Variants in LRRTM4 observed in about 807,000 individuals in gnomAD.
The protein encoded by LRRTM4 is leucine-rich repeat transmembrane neuronal protein 4.
Under a neutral mutation model 47.6 loss-of-function variants are expected in LRRTM4, and 25 were observed. The ratio of observed to expected loss-of-function variants is 0.53; its 90% confidence interval spans 0.38 to 0.73. The LOEUF (loss-of-function observed/expected upper bound fraction) is 0.73. Ranked by LOEUF, LRRTM4 falls within the 30% of genes least tolerant of loss-of-function variation. The pLI is 0.00. For missense variants in LRRTM4, 638 were observed against 713.4 expected, an observed-to-expected ratio of 0.89 and a Z score of 1.20; for synonymous variants, 311 against 269.5, an observed-to-expected ratio of 1.15 and a Z score of -1.51.
intron 3 of LRRTM4, among the ~76,000 whole-genome samples, chr2:76,983,254 T>A (rs189526720): frequency 6.6e-6 from 1 of 152,000 alleles, no homozygotes; most frequent in South Asian, 2.1e-4. Flanking sequence ...GGCCTTAAAT[T>A]TCTAATCCAT....
At chr2:77,102,305 C>G (rs1171999044) in intron 3 of LRRTM4, among the ~76,000 whole-genome samples, 1 of 152,228 alleles carries the variant, frequency 6.6e-6, no homozygotes, top group Non-Finnish European at 1.5e-5. Flanking sequence ...TCTGCTTCCA[C>G]ATCCAAGCAC....
At chr2:77,093,542 G>A (rs924442167) in intron 3 of LRRTM4, among the ~76,000 whole-genome samples, 62 of 151,406 alleles carry the variant, frequency 4.1e-4, no homozygotes, top group Admixed American at 1.4e-3. Flanking sequence ...CCCTAATCCC[G>A]CTTGAAGCAG....
chr2:77,008,471 G>A (rs1677744587), intron 3 of LRRTM4, among the ~76,000 whole-genome samples: 1 of 152,260 alleles, frequency 6.6e-6, no homozygotes, highest in Non-Finnish European at 1.5e-5. Context: ...TAGATAGTCT[G>A]ATTTCACCAC....
At chr2:77,104,778 G>C (rs1052826895) in intron 3 of LRRTM4, among the ~76,000 whole-genome samples, 7 of 152,116 alleles carry the variant, frequency 4.6e-5, no homozygotes, top group African/African-American at 1.7e-4. Flanking sequence ...AGAGGTGAGC[G>C]CCAGGGTACC....
chr2:76,909,155 A>G (rs183018542), intron 3 of LRRTM4, among the ~76,000 whole-genome samples: 1 of 152,214 alleles, frequency 6.6e-6, no homozygotes, highest in African/African-American at 2.4e-5. Flanking sequence ...GATATAGATC[A>G]ATGGAACAGA....
At chr2:77,215,564 G>A (rs1436317333) in intron 3 of LRRTM4, among the ~76,000 whole-genome samples, 1 of 151,696 alleles carries the variant, frequency 6.6e-6, no homozygotes, top group African/African-American at 2.4e-5. Context: ...AATACAAATT[G>A]GCTTATTCTA....
At chr2:76,823,257 A>C (rs941429449) in intron 3 of LRRTM4, among the ~76,000 whole-genome samples, 1 of 151,332 alleles carries the variant, frequency 6.6e-6, no homozygotes, top group Non-Finnish European at 1.5e-5. Context: ...ACAAAGAATA[A>C]AATTAGCAAT....
intron 3 of LRRTM4, among the ~76,000 whole-genome samples, chr2:76,805,467 T>C (rs560602652): frequency 5.3e-5 from 8 of 152,238 alleles, no homozygotes; most frequent in African/African-American, 9.6e-5. Flanking sequence ...TTTAAACATA[T>C]TGAAGATTTG....
intron 3 of LRRTM4, among the ~76,000 whole-genome samples, chr2:76,800,881 T>G (rs1675635201): frequency 6.6e-6 from 1 of 150,920 alleles, no homozygotes; most frequent in African/African-American, 2.4e-5. Flanking sequence ...CATCAGAAAA[T>G]GCAAATGAAA....
intron 3 of LRRTM4, among the ~76,000 whole-genome samples, chr2:77,313,216 G>A (rs967877608): frequency 2.0e-5 from 3 of 149,632 alleles, no homozygotes; most frequent in Non-Finnish European, 4.4e-5. Context: ...GCCTCCCGAT[G>A]TTTTCCTGGG....
At chr2:76,804,121 G>A (rs6718129) in intron 3 of LRRTM4, among the ~76,000 whole-genome samples, 69,073 of 151,888 alleles carry the variant, frequency 0.45, 17,147 homozygotes, top group East Asian at 0.67. Context: ...GCTGCAGTAA[G>A]TTGGACCTGT....
intron 3 of LRRTM4, among the ~76,000 whole-genome samples, chr2:76,923,851 G>T (rs1674507467): frequency 6.6e-6 from 1 of 152,040 alleles, no homozygotes; most frequent in Non-Finnish European, 1.5e-5. Flanking sequence ...ATTAAGTATA[G>T]GGTCACAAAT....
intron 3 of LRRTM4, among the ~76,000 whole-genome samples, chr2:76,784,182 G>C (rs1461853999): frequency 1.3e-5 from 2 of 151,862 alleles, no homozygotes; most frequent in Non-Finnish European, 2.9e-5. Flanking sequence ...AGGAAGCATA[G>C]GTACCACTAG....
At chr2:76,952,691 T>C (rs1266038624) in intron 3 of LRRTM4, among the ~76,000 whole-genome samples, 3 of 151,936 alleles carry the variant, frequency 2.0e-5, no homozygotes, top group African/African-American at 7.2e-5. Context: ...CATTACTGAA[T>C]ATATATCCAA....
At chr2:77,081,435 A>T (rs1197846768) in intron 3 of LRRTM4, among the ~76,000 whole-genome samples, 2 of 152,104 alleles carry the variant, frequency 1.3e-5, no homozygotes, top group Non-Finnish European at 2.9e-5. Context: ...TGGAACATAG[A>T]AAGTTAATGA....
At chr2:77,044,888 CAT>C (rs1255660011) in intron 3 of LRRTM4, among the ~76,000 whole-genome samples, 3 of 151,264 alleles carry the variant, frequency 2.0e-5, no homozygotes, top group African/African-American at 7.3e-5. Flanking sequence ...TATACATATA[CAT>C]ATATATGTGT....
chr2:77,237,581 G>T (rs1202433760), intron 3 of LRRTM4, among the ~76,000 whole-genome samples: 11 of 151,952 alleles, frequency 7.2e-5, no homozygotes, highest in Admixed American at 4.6e-4. Flanking sequence ...TTAGTTATTT[G>T]ATTTAGTTAT....
At chr2:76,973,592 G>C (rs1573388471) in intron 3 of LRRTM4, among the ~76,000 whole-genome samples, 1 of 151,886 alleles carries the variant, frequency 6.6e-6, no homozygotes, top group Non-Finnish European at 1.5e-5. Context: ...AAGAGGTATT[G>C]CAGACCATAT....
At chr2:77,072,888 G>C (rs915125257) in intron 3 of LRRTM4, among the ~76,000 whole-genome samples, 61 of 151,186 alleles carry the variant, frequency 4.0e-4, no homozygotes, top group African/African-American at 1.4e-3. Flanking sequence ...ACTTGCGTCT[G>C]TCAGATTACC....
Sources: allele counts gnomAD v4.1 joint callset (sites outside exome capture counted in the v4.1 genomes callset), GRCh38; gene constraint gnomAD v4.1.1; transcripts MANE v1.5; gene names NCBI Gene and HGNC (gene_info 2026-07-23, HGNC 2026-07-21).